Variants in DCT observed in about 807,000 individuals in gnomAD.
The protein encoded by DCT is L-dopachrome tautomerase.
Under a neutral mutation model 53.0 loss-of-function variants are expected in DCT, and 47 were observed. The ratio of observed to expected loss-of-function variants is 0.89; its 90% CI spans 0.70 to 1.13. DCT has a LOEUF of 1.13. Ranked by LOEUF, DCT falls within the 50% of genes most tolerant of loss-of-function variation. The pLI is 0.00. For missense variants in DCT, 669 were observed against 637.4 expected, an observed-to-expected ratio of 1.05 and a Z score of -0.53; for synonymous variants, 244 against 237.0, an observed-to-expected ratio of 1.03 and a Z score of -0.27.
At chr13:94,488,442 C>T in the DCT span, among the ~76,000 whole-genome samples, 4 of 152,086 alleles carry the variant, frequency 2.6e-5, no homozygotes, top group African/African-American at 9.7e-5. Context: ...CTGCCAGGCA[C>T]GGTGGCTCAC....
chr13:94,482,532 A>G (rs1181152333), upstream of DCT, among the ~76,000 whole-genome samples: 4 of 152,122 alleles, frequency 2.6e-5, no homozygotes, highest in Admixed American at 2.6e-4. Context: ...ACTTATCACC[A>G]TCTAAAGTTA....
chr13:94,460,311 T>A, intron 5 of DCT, 85 bp from the exon 6 acceptor site: 1 of 1,320,984 alleles, frequency 7.6e-7, no homozygotes. Flanking sequence ...ATAATAGTTG[T>A]CTAATTTGAG....
chr13:94,532,664 A>G, the DCT span, among the ~76,000 whole-genome samples: 648 of 152,324 alleles, frequency 4.3e-3, 2 homozygotes, highest in African/African-American at 0.015. Context: ...GAGGGATAGC[A>G]TTAGGAGAAA....
At chr13:94,474,143 G>GA (rs1161905304) in intron 1 of DCT, among the ~76,000 whole-genome samples, 4 of 151,834 alleles carry the variant, frequency 2.6e-5, no homozygotes, top group Non-Finnish European at 4.4e-5. Flanking sequence ...ATGGAGAGAG[G>GA]AAAAAAAATG....
the DCT span, among the ~76,000 whole-genome samples, chr13:94,524,795 C>A: frequency 7.2e-5 from 11 of 152,056 alleles, no homozygotes; most frequent in African/African-American, 1.9e-4. Flanking sequence ...AAGAATGTGA[C>A]CTTCCTTGGA....
chr13:94,546,494 C>A, the DCT span, among the ~76,000 whole-genome samples: 1 of 152,128 alleles, frequency 6.6e-6, no homozygotes, highest in South Asian at 2.1e-4. The surrounding 1 kb of genome is among the most constrained non-coding windows in gnomAD (Gnocchi z 4.2). Flanking sequence ...TCTGGTTTAT[C>A]TTTGGTACTA....
At chr13:94,469,669 C>T (rs1160823412) in intron 1 of DCT, among the ~76,000 whole-genome samples, 3 of 152,182 alleles carry the variant, frequency 2.0e-5, no homozygotes, top group African/African-American at 7.2e-5. Flanking sequence ...CTCCCAGGAT[C>T]GCAGGCGTGT....
At chr13:94,548,693 T>C in the DCT span, among the ~76,000 whole-genome samples, 1 of 151,456 alleles carries the variant, frequency 6.6e-6, no homozygotes, top group East Asian at 1.9e-4. Context: ...TGCCCCTGAG[T>C]ACCCACGTCC....
the DCT span, among the ~76,000 whole-genome samples, chr13:94,518,235 A>T: frequency 6.6e-6 from 1 of 150,902 alleles, no homozygotes; most frequent in South Asian, 2.1e-4. Context: ...AAGTGTTGTT[A>T]AAAAAAAACA....
chr13:94,441,035 T>C (rs1882268027), intron 7 of DCT, among the ~76,000 whole-genome samples: 1 of 152,172 alleles, frequency 6.6e-6, no homozygotes, highest in African/African-American at 2.4e-5. Flanking sequence ...AAAAATTATA[T>C]TCTCCTTGGC....
the DCT span, among the ~76,000 whole-genome samples, chr13:94,541,806 C>T: frequency 2.6e-5 from 4 of 152,132 alleles, no homozygotes. Flanking sequence ...ATACGTATGA[C>T]TATTATGTGT....
chr13:94,534,620 C>T, the DCT span, among the ~76,000 whole-genome samples: 18 of 152,344 alleles, frequency 1.2e-4, no homozygotes, highest in East Asian at 3.3e-3. Flanking sequence ...GGACCCTGAT[C>T]ATAAGTCAGT....
At chr13:94,456,054 G>A (rs1001810667) in intron 6 of DCT, among the ~76,000 whole-genome samples, 2 of 152,198 alleles carry the variant, frequency 1.3e-5, no homozygotes, top group African/African-American at 4.8e-5. Context: ...AAAAAATGAT[G>A]TGAACTATCA....
At chr13:94,472,269 T>G (rs1318395719) in intron 1 of DCT, among the ~76,000 whole-genome samples, 5 of 151,628 alleles carry the variant, frequency 3.3e-5, no homozygotes, top group African/African-American at 4.8e-5. Context: ...ATCTAAAAGG[T>G]AGCCAACACT....
rs1159100893 is a variant in DCT at position 94,437,641 on chromosome 13, A to G, written c.*2257T>C. 6.6e-6 allele frequency: 1 copy of G among 152,206 alleles called. No homozygotes were observed. Among genetic ancestry groups the G allele is most frequent in the African/African-American group, 2.4e-5 (1 of 41,466 alleles). The allele number at this position is 152,206 out of a possible 1,614,324, so 9.4% of individuals were successfully genotyped here. A position where few individuals can be genotyped will look rare whatever the true frequency, so the allele number is the denominator to read the frequency against. On this transcript the variant is annotated 3_prime_UTR_variant, in exon 8 of 8. Transcript: ENST00000377028. ...CCTATCATTGAGAAATATAGCCCAC[A>G]GTATTTGGTGACATTTTCTGAGTTT...
At chr13:94,522,372 G>A in the DCT span, among the ~76,000 whole-genome samples, 5 of 152,024 alleles carry the variant, frequency 3.3e-5, no homozygotes, top group African/African-American at 7.3e-5. Flanking sequence ...TCCTGCCCTC[G>A]AACATCAGAC....
At chr13:94,509,731 C>G in the DCT span, among the ~76,000 whole-genome samples, 1 of 152,130 alleles carries the variant, frequency 6.6e-6, no homozygotes, top group Non-Finnish European at 1.5e-5. Flanking sequence ...CATAATAGCA[C>G]CCATCTTCTA....
At chr13:94,540,187 G>A in the DCT span, among the ~76,000 whole-genome samples, 4,403 of 152,182 alleles carry the variant, frequency 0.029, 205 homozygotes, top group African/African-American at 0.1. Flanking sequence ...GATCTCTGAG[G>A]TGGAAGAAAG....
intron 6 of DCT, chr13:94,452,601 ACTTAC>A (rs1342265742): frequency 2.6e-6 from 2 of 760,964 alleles, no homozygotes; most frequent in Non-Finnish European, 4.9e-6. Flanking sequence ...TATTCTCTTT[ACTTAC>A]CTTACATGTT....
Sources: allele counts gnomAD v4.1 joint callset (sites outside exome capture counted in the v4.1 genomes callset), GRCh38; gene constraint gnomAD v4.1.1; non-coding constraint Gnocchi (gnomAD v3.1); transcripts MANE v1.5; gene names NCBI Gene and HGNC (gene_info 2026-07-23, HGNC 2026-07-21).